Variants in IL1R1 observed in about 807,000 individuals in gnomAD.
IL1R1 encodes the protein interleukin-1 receptor type 1.
In IL1R1, 22 loss-of-function variants were observed where a neutral mutation model predicts 50.2. The ratio of observed to expected loss-of-function variants is 0.44; its 90% CI spans 0.31 to 0.63. IL1R1 has a LOEUF of 0.63. IL1R1 is among the 20% of genes least tolerant of loss of function. The pLI is 0.07. For synonymous variants in IL1R1, 251 were observed against 236.7 expected (o/e 1.06, Z -0.55); for missense variants, 509 against 676.2 (o/e 0.75, Z 2.74).
intron 1 of IL1R1, among the ~76,000 whole-genome samples, chr2:102,146,511 A>G (rs1003893708): frequency 6.6e-6 from 1 of 152,150 alleles, no homozygotes; most frequent in Non-Finnish European, 1.5e-5. Context: ...AGTCTGCAGG[A>G]CAGCTGGCAT....
intron 1 of IL1R1, among the ~76,000 whole-genome samples, chr2:102,087,286 G>T (rs1487975231): frequency 6.6e-6 from 1 of 152,176 alleles, no homozygotes; most frequent in Non-Finnish European, 1.5e-5. Flanking sequence ...GGTTGGGGTA[G>T]CTGTGGCAAT....
chr2:102,104,865 C>T (rs539173400), exon 1 of IL1R1: 22 of 152,300 alleles, frequency 1.4e-4, no homozygotes, highest in African/African-American at 5.1e-4. Context: ...GGATGAAGAA[C>T]GGAGACGGTA....
At chr2:102,174,827 C>G in intron 10 of IL1R1, 97 bp downstream of exon 10, 1 of 1,010,424 alleles carries the variant, frequency 9.9e-7, no homozygotes, top group African/African-American at 1.6e-5. Context: ...AAGAGGGTTT[C>G]TAAAATGAAA....
At chr2:102,102,214 G>C (rs1371500553), upstream of IL1R1, among the ~76,000 whole-genome samples, 5 of 152,222 alleles carry the variant, frequency 3.3e-5, no homozygotes. Context: ...GTACCAGGAA[G>C]TATGAGACAA....
chr2:102,153,187 G>T (rs1683852371), intron 1 of IL1R1, among the ~76,000 whole-genome samples: 2 of 152,078 alleles, frequency 1.3e-5, no homozygotes, highest in African/African-American at 4.8e-5. Context: ...CTTAAACAGG[G>T]CCTGCTCATT....
intron 1 of IL1R1, among the ~76,000 whole-genome samples, chr2:102,121,088 C>A (rs887719590): frequency 6.6e-6 from 1 of 152,130 alleles, no homozygotes; most frequent in South Asian, 2.1e-4. Context: ...ATGGAGCTGG[C>A]CCCCGGGAGA....
chr2:102,141,382 T>C (rs748972650), upstream of IL1R1, among the ~76,000 whole-genome samples: 20 of 152,262 alleles, frequency 1.3e-4, no homozygotes, highest in Non-Finnish European at 2.5e-4. Context: ...TGAGACCTTC[T>C]GCTGTATAAA....
Position 102,176,739 on chromosome 2 carries a change from G to T in IL1R1, c.1690G>T (p.Ala564Ser). 1 of 1,613,872 alleles carries T rather than the reference G, an allele frequency of 6.2e-7. No homozygotes were observed. Among genetic ancestry groups the T allele is most frequent in the Non-Finnish European group, 8.5e-7 (1 of 1,179,770 alleles). Residue 564 changes from alanine to serine, a missense_variant, in exon 12 of 12, where the codon GCT becomes TCT. By Grantham distance (99) the Ala-to-Ser change is moderately conservative. Coordinates refer to ENST00000410023, the MANE Select transcript of IL1R1 (RefSeq NM_000877.4). The part of the protein sequence containing the change: ...PATKEKLQRE[A>S]HVPLG The stretch of plus-strand genomic sequence containing the variant: ...CACTAAGGAGAAACTGCAAAGAGAG[G>T]CTCACGTGCCTCTCGGGTAGCATGG...
intron 1 of IL1R1, among the ~76,000 whole-genome samples, chr2:102,075,601 T>C (rs1173150681): frequency 1.3e-5 from 2 of 152,334 alleles, no homozygotes; most frequent in East Asian, 3.9e-4. Flanking sequence ...CAGAACCCCA[T>C]TGCATATATT....
At chr2:102,079,558 C>G (rs983913510) in intron 1 of IL1R1, among the ~76,000 whole-genome samples, 4 of 151,982 alleles carry the variant, frequency 2.6e-5, no homozygotes, top group African/African-American at 9.7e-5. Context: ...GACTTGTACA[C>G]TAAAAGTATA....
Position 102,075,506 on chromosome 2 carries a change from A to C in IL1R1, c.-84+4973A>C, listed in dbSNP as rs147343473. Reference sequence around the variant, plus strand: ...AAGAGGTGATTACCAGTTATTTGAAAAAAAAATTCACCTCTTTCCAAGGAG... The same window carrying C: ...AAGAGGTGATTACCAGTTATTTGAACAAAAAATTCACCTCTTTCCAAGGAG... On this transcript the variant is annotated intron_variant, in intron 1 of 11. Coordinates refer to the IL1R1 transcript ENST00000409929. 2.3e-3 allele frequency among the ~76,000 whole-genome samples: 343 copies of C among 152,342 alleles called. 1 individual carries two copies. The highest frequency in any genetic ancestry group is 7.7e-3 in the African/African-American group (319 of 41,586).
intron 5 of IL1R1, 146 bp downstream of exon 5, chr2:102,165,450 T>A: frequency 2.2e-6 from 1 of 454,550 alleles, no homozygotes; most frequent in Non-Finnish European, 3.9e-6. Context: ...TAAAAAGAAT[T>A]GTAAGACTGC....
chr2:102,144,915 GCT>G (rs1455281939), intron 1 of IL1R1, among the ~76,000 whole-genome samples: 5 of 152,168 alleles, frequency 3.3e-5, no homozygotes, highest in African/African-American at 1.2e-4. Flanking sequence ...AGGAGGTGGA[GCT>G]ACACTCTGTG....
In IL1R1 at chr2:102,094,773, T is replaced by C. The variant is rs183332116; in HGVS notation, c.-84+24240T>C. Among the ~76,000 whole-genome samples, 9 of 152,288 alleles carry C rather than the reference T, an allele frequency of 5.9e-5. No homozygotes were observed. In the East Asian group the frequency reaches 1.7e-3, roughly 29 times the overall value. On this transcript the variant is annotated intron_variant, in intron 1 of 11. Transcript: ENST00000409929. ...GACACAGAACAGGTTAATAGAAATA[T>C]ATATATTTTTCTTATCAGGTTTTCT...
At chr2:102,082,311 T>A (rs1679246658) in intron 1 of IL1R1, among the ~76,000 whole-genome samples, 1 of 152,130 alleles carries the variant, frequency 6.6e-6, no homozygotes, top group Admixed American at 6.5e-5. Flanking sequence ...ATATTTGCCA[T>A]GTGATCCATT....
intron 1 of IL1R1, among the ~76,000 whole-genome samples, chr2:102,112,894 C>T (rs1327554632): frequency 2.0e-4 from 31 of 152,012 alleles, no homozygotes; most frequent in Non-Finnish European, 2.9e-5. Flanking sequence ...AGGGTGGAGC[C>T]CTGATAAATG....
At chr2:102,076,230 T>A (rs1335916582) in intron 1 of IL1R1, among the ~76,000 whole-genome samples, 4 of 151,708 alleles carry the variant, frequency 2.6e-5, no homozygotes, top group Non-Finnish European at 5.9e-5. Flanking sequence ...TAGGCTGGAA[T>A]GCAGTGGTGT....
At chr2:102,166,857 T>C (rs759665492) in intron 6 of IL1R1, among the ~76,000 whole-genome samples, 31 of 152,208 alleles carry the variant, frequency 2.0e-4, no homozygotes, top group Non-Finnish European at 3.4e-4. Context: ...AAATGCTTGG[T>C]GCAAAACAGC....
chr2:102,137,532 T>C, intron 1 of IL1R1, among the ~76,000 whole-genome samples: 1 of 152,152 alleles, frequency 6.6e-6, no homozygotes, highest in East Asian at 1.9e-4. Flanking sequence ...GGCTCGAGCT[T>C]CCTAACACTA....
Sources: gnomAD v4.1 joint callset for allele counts (sites outside exome capture counted in the v4.1 genomes callset) on GRCh38, gnomAD v4.1.1 for gene constraint, MANE v1.5 for transcripts, NCBI Gene and HGNC (gene_info 2026-07-23, HGNC 2026-07-21) for gene names.